The following CDH23 variants were observed in gnomAD, a reference collection of about 807,000 sequenced individuals.
CDH23 encodes the protein cadherin-23.
In CDH23, 189 loss-of-function variants were observed where a neutral mutation model predicts 317.1. That is an observed-to-expected ratio of 0.60 (90% CI 0.53 to 0.67). The LOEUF (loss-of-function observed/expected upper bound fraction) is 0.67. Ranked by LOEUF, CDH23 falls within the 30% of genes least tolerant of loss-of-function variation. CDH23 has a pLI of 0.00. For synonymous variants in CDH23, 1,839 were observed against 1,876.8 expected (o/e 0.98, Z 0.52); for missense variants, 4,401 against 4,592.4 (o/e 0.96, Z 1.20).
At position 71,407,134 on chromosome 10, in the gene CDH23, T is replaced by C. The variant is rs147655612; in HGVS notation, c.-6+9816T>C. 3.1e-4 allele frequency among the ~76,000 whole-genome samples: 47 copies of C among 152,330 alleles called. 1 individual carries two copies. In the East Asian group the frequency reaches 8.9e-3, roughly 29 times the overall value. ...GAGGCAGATTTTTGCATGAAGGCAGTCTGATTCCTTGATCATTACTTTGTA... is the reference window on the plus strand; with the variant it reads ...GAGGCAGATTTTTGCATGAAGGCAGCCTGATTCCTTGATCATTACTTTGTA... On this transcript the variant is annotated intron_variant, in intron 1 of 69. Coordinates refer to ENST00000224721, the MANE Select transcript of CDH23 (RefSeq NM_022124.6).
chr10:71,683,661 A>C, intron 18 of CDH23, among the ~76,000 whole-genome samples: 1 of 152,174 alleles, frequency 6.6e-6, no homozygotes, highest in East Asian at 1.9e-4. Context: ...GGCCAGGAGG[A>C]TGAGGCTATA....
At chr10:71,802,269 T>C (rs562774022) in intron 53 of CDH23, among the ~76,000 whole-genome samples, 1 of 152,224 alleles carries the variant, frequency 6.6e-6, no homozygotes, top group African/African-American at 2.4e-5. Context: ...GATTGCGCCA[T>C]TGCACTCCAG....
At chr10:71,639,012 G>C (rs751468371) in intron 11 of CDH23, among the ~76,000 whole-genome samples, 2 of 152,194 alleles carry the variant, frequency 1.3e-5, no homozygotes, top group Non-Finnish European at 2.9e-5. Context: ...CACGGGGAGG[G>C]ACCGGCAGGG....
At chr10:71,746,712 G>T (rs982552777) in intron 38 of CDH23, among the ~76,000 whole-genome samples, 2 of 152,172 alleles carry the variant, frequency 1.3e-5, no homozygotes, top group African/African-American at 4.8e-5. Flanking sequence ...GGGAGGGAGG[G>T]CCTAACTGTG....
At chr10:71,750,075 C>A in intron 38 of CDH23, 1 of 152,452 alleles carries the variant, frequency 6.6e-6, no homozygotes. Flanking sequence ...CCCTACTCTC[C>A]TCCCCTGCTT....
chr10:71,428,960 G>T (rs1417658241), intron 1 of CDH23, among the ~76,000 whole-genome samples: 1 of 152,124 alleles, frequency 6.6e-6, no homozygotes, highest in Non-Finnish European at 1.5e-5. Flanking sequence ...GAGTTTTAGG[G>T]TCTTTTCTAT....
chr10:71,433,229 A>G (rs114454981), intron 1 of CDH23, among the ~76,000 whole-genome samples: 161 of 152,188 alleles, frequency 1.1e-3, no homozygotes, highest in African/African-American at 3.8e-3. Context: ...TCCAAACACC[A>G]TCCCCTGTTG....
chr10:71,485,176 GC>G (rs1378616292), intron 3 of CDH23, among the ~76,000 whole-genome samples: 1 of 151,864 alleles, frequency 6.6e-6, no homozygotes, highest in Non-Finnish European at 1.5e-5. Flanking sequence ...ACAGGTATGT[GC>G]CACCATGCCC....
chr10:71,594,347 C>G (rs1262601217), intron 9 of CDH23, among the ~76,000 whole-genome samples: 2 of 151,930 alleles, frequency 1.3e-5, no homozygotes, highest in Non-Finnish European at 2.9e-5. Context: ...CTTTCTCTCT[C>G]TCTCTCTCCC....
intron 9 of CDH23, among the ~76,000 whole-genome samples, chr10:71,611,162 C>T (rs1354560747): frequency 6.6e-6 from 1 of 151,620 alleles, no homozygotes; most frequent in Non-Finnish European, 1.5e-5. Context: ...GAGAAACTTG[C>T]ATGTGTGGCT....
intron 14 of CDH23, among the ~76,000 whole-genome samples, chr10:71,650,479 TG>T (rs760851409): frequency 2.6e-5 from 4 of 152,154 alleles, no homozygotes; most frequent in Non-Finnish European, 4.4e-5. Context: ...TAGGCAGGCA[TG>T]TTTTTTTGTG....
At chr10:71,601,211 G>A (rs1028249743) in intron 9 of CDH23, among the ~76,000 whole-genome samples, 1 of 152,228 alleles carries the variant, frequency 6.6e-6, no homozygotes, top group Admixed American at 6.5e-5. Flanking sequence ...AGTAGGAGAA[G>A]GAATATAGGC....
chr10:71,594,840 T>C (rs1250494992), intron 9 of CDH23, among the ~76,000 whole-genome samples: 1 of 152,248 alleles, frequency 6.6e-6, no homozygotes, highest in Non-Finnish European at 1.5e-5. Context: ...ATCCCCATTT[T>C]CGTAGTGACA....
At chr10:71,529,570 G>A (rs1271529973) in intron 6 of CDH23, among the ~76,000 whole-genome samples, 3 of 152,150 alleles carry the variant, frequency 2.0e-5, no homozygotes, top group South Asian at 4.1e-4. Flanking sequence ...GTTTTTCTAA[G>A]TTGTCACAAA....
At chr10:71,773,258 G>A in intron 38 of CDH23, 1 of 1,354,532 alleles carries the variant, frequency 7.4e-7, no homozygotes, top group South Asian at 1.3e-5. Context: ...CGGTCACACA[G>A]GCTGAGAGGG....
At chr10:71,660,865 C>T (rs1863618345) in intron 14 of CDH23, among the ~76,000 whole-genome samples, 1 of 152,160 alleles carries the variant, frequency 6.6e-6, no homozygotes, top group African/African-American at 2.4e-5. Flanking sequence ...ATGTAAAGTG[C>T]TTAGCCCAAT....
intron 38 of CDH23, among the ~76,000 whole-genome samples, chr10:71,761,411 ACT>A (rs2132889083): frequency 6.6e-6 from 1 of 151,500 alleles, no homozygotes; most frequent in East Asian, 2.0e-4. Context: ...CCTCTCCATC[ACT>A]CCAGCTAACT....
chr10:71,683,765 G>A (rs924111285), intron 18 of CDH23, among the ~76,000 whole-genome samples: 17 of 152,136 alleles, frequency 1.1e-4, no homozygotes, highest in African/African-American at 4.1e-4. Context: ...AGTGTTGGGG[G>A]AAGGAGGACA....
intron 52 of CDH23, 34 bp from the exon 53 acceptor site, chr10:71,800,602 A>C: frequency 6.2e-7 from 1 of 1,607,438 alleles, no homozygotes; most frequent in South Asian, 1.1e-5. Flanking sequence ...CTTTTGAATG[A>C]TTGAAGGACC....
Sources: gnomAD v4.1 joint callset for allele counts (sites outside exome capture counted in the v4.1 genomes callset) on GRCh38, gnomAD v4.1.1 for gene constraint, MANE v1.5 for transcripts, NCBI Gene and HGNC (gene_info 2026-07-23, HGNC 2026-07-21) for gene names.